ARHGAP22: variants seen among roughly 807,000 people sequenced by gnomAD.
The protein encoded by ARHGAP22 is rho GTPase-activating protein 22.
A neutral mutation model predicts 59.1 loss-of-function variants in ARHGAP22; 48 were observed. That is an observed-to-expected ratio of 0.81 (90% CI 0.64 to 1.03). The LOEUF (loss-of-function observed/expected upper bound fraction) is 1.03. Ranked by LOEUF, ARHGAP22 falls within the 50% of genes least tolerant of loss-of-function variation. The pLI, the probability that ARHGAP22 is intolerant of heterozygous loss-of-function variation, is 0.00. For synonymous variants in ARHGAP22, 445 were observed against 416.4 expected (o/e 1.07, Z -0.84); for missense variants, 1,015 against 958.7 (o/e 1.06, Z -0.78).
intron 1 of ARHGAP22, among the ~76,000 whole-genome samples, chr10:48,590,337 G>A (rs1710526604): frequency 6.6e-6 from 1 of 152,028 alleles, no homozygotes; most frequent in African/African-American, 2.4e-5. Flanking sequence ...GAGTCAAGAG[G>A]GAGCTTCCTG....
chr10:48,588,902 T>C (rs2377520), intron 1 of ARHGAP22, among the ~76,000 whole-genome samples: 111,521 of 152,086 alleles, frequency 0.73, 41,404 homozygotes, highest in East Asian at 0.99. Flanking sequence ...CTCCACCCCG[T>C]GGAGGGAGGC....
intron 3 of ARHGAP22, among the ~76,000 whole-genome samples, chr10:48,543,813 AAAG>A (rs1775822047): frequency 2.0e-5 from 3 of 152,240 alleles, no homozygotes; most frequent in East Asian, 1.9e-4. Context: ...ATGACAGATA[AAAG>A]AAGAACTGAA....
intron 1 of ARHGAP22, among the ~76,000 whole-genome samples, chr10:48,596,651 T>C (rs2135818571): frequency 6.6e-6 from 1 of 152,296 alleles, no homozygotes; most frequent in South Asian, 2.1e-4. Flanking sequence ...GACCATACCC[T>C]AAGCCCTTGC....
At chr10:48,454,919 A>G in intron 6 of ARHGAP22, 83 bp downstream of exon 6, 1 of 1,403,330 alleles carries the variant, frequency 7.1e-7, no homozygotes, top group Non-Finnish European at 9.4e-7. Context: ...AAAATTCATG[A>G]AAAGTCAGAG....
At chr10:48,432,495 T>C in the ARHGAP22 span, among the ~76,000 whole-genome samples, 2 of 152,216 alleles carry the variant, frequency 1.3e-5, no homozygotes, top group Admixed American at 1.3e-4. Flanking sequence ...GCCTTTTCTC[T>C]ACAATTTACT....
At chr10:48,619,439 A>G (rs893381946) in intron 1 of ARHGAP22, among the ~76,000 whole-genome samples, 2 of 152,188 alleles carry the variant, frequency 1.3e-5, no homozygotes, top group African/African-American at 4.8e-5. Flanking sequence ...TGAACTTAAA[A>G]ATAAACTCAA....
chr10:48,519,765 G>A (rs990986881), intron 3 of ARHGAP22, among the ~76,000 whole-genome samples: 1 of 152,218 alleles, frequency 6.6e-6, no homozygotes, highest in Non-Finnish European at 1.5e-5. Context: ...GAGAGGAAGT[G>A]GTGTGGTGCG....
rs780991347 is a variant in ARHGAP22, at chr10:48,450,566, C to T, written c.1563G>A (p.Ser521=). 28 of 1,531,186 alleles carry T rather than the reference C, an allele frequency of 1.8e-5. No homozygotes were observed. Among genetic ancestry groups the T allele is most frequent in the Non-Finnish European group, 2.5e-5 (28 of 1,140,166 alleles). 94.8% of individuals were successfully genotyped at this position (1,531,186 alleles called of 1,614,324 possible). A position where few individuals can be genotyped will look rare whatever the true frequency, so the allele number is the denominator to read the frequency against. ...AWSGASSSES[S]VGGSLSSCTA... is the part of the protein sequence containing the mutation. ...TGCAGCTGCTGAGTGAGCCCCCCAC[C>T]GACGACTCGCTGGACGAGGCCCCGG... Residue 521 remains serine, a synonymous_variant, in exon 9 of 10, where the codon TCG becomes TCA. Transcript: ENST00000249601.
chr10:48,492,821 G>A (rs2050537255), intron 3 of ARHGAP22, among the ~76,000 whole-genome samples: 1 of 152,042 alleles, frequency 6.6e-6, no homozygotes, highest in Admixed American at 6.6e-5. Context: ...CCAAAGTGCT[G>A]GGATTACAGG....
chr10:48,465,995 G>C (rs2047625256), intron 4 of ARHGAP22, among the ~76,000 whole-genome samples: 1 of 152,146 alleles, frequency 6.6e-6, no homozygotes, highest in African/African-American at 2.4e-5. Context: ...AGGGCTGTAA[G>C]CGGTAAGATC....
chr10:48,521,883 A>T (rs1401790347), intron 3 of ARHGAP22, among the ~76,000 whole-genome samples: 1 of 152,268 alleles, frequency 6.6e-6, no homozygotes, highest in Non-Finnish European at 1.5e-5. Flanking sequence ...CAACTGTGCC[A>T]GTGTGGCAAA....
chr10:48,431,590 G>A, the ARHGAP22 span, among the ~76,000 whole-genome samples: 2 of 152,116 alleles, frequency 1.3e-5, no homozygotes, highest in African/African-American at 2.4e-5. Flanking sequence ...CTATGATCTT[G>A]ACAGTCTTTA....
intron 2 of ARHGAP22, chr10:48,556,659 G>C (rs2057330497): frequency 6.6e-6 from 1 of 152,230 alleles, no homozygotes; most frequent in African/African-American, 2.4e-5. Flanking sequence ...AAAGTACTTT[G>C]TAGGGATATT....
upstream of ARHGAP22, among the ~76,000 whole-genome samples, chr10:48,653,504 G>A (rs940570678): frequency 1.3e-5 from 2 of 152,246 alleles, no homozygotes; most frequent in South Asian, 2.1e-4. Context: ...AGAAGGGAGC[G>A]CTGGAACAGC....
At chr10:48,613,474 T>C (rs1027536370) in intron 1 of ARHGAP22, among the ~76,000 whole-genome samples, 2 of 152,174 alleles carry the variant, frequency 1.3e-5, no homozygotes, top group East Asian at 1.9e-4. Flanking sequence ...TGGAACCAGA[T>C]AGAAGGAAAC....
intron 3 of ARHGAP22, among the ~76,000 whole-genome samples, chr10:48,547,832 G>C (rs1411895571): frequency 6.6e-6 from 1 of 152,220 alleles, no homozygotes; most frequent in Admixed American, 6.5e-5. Flanking sequence ...CTGGCACTTG[G>C]AAAGGGCAAG....
chr10:48,446,579 G>A lies in ARHGAP22; in HGVS notation c.1909C>T (p.Arg637Trp), dbSNP rs141682688. The A allele has an allele frequency of 6.8e-5, 110 of 1,614,116 alleles. 1 individual carries two copies. The African/African-American group carries it at 8.7e-4, about 13-fold the overall frequency. ...TCCTGGTCCAGTTCTTCTTCTAACC[G>A]GGACATTCGTTTTCTCAGGTCAGCA... ...GSADLRKRMS[R>W]LEEELDQEKK... Residue 637 changes from arginine (R) to tryptophan (W), a missense_variant, in exon 10 of 10, where the codon CGG becomes TGG. Physicochemically the swap from Arg to Trp is moderately radical, Grantham distance 101 (BLOSUM62 -3). Transcript: ENST00000249601.
intron 1 of ARHGAP22, among the ~76,000 whole-genome samples, chr10:48,615,048 G>A (rs2061027821): frequency 6.6e-6 from 1 of 152,196 alleles, no homozygotes; most frequent in Non-Finnish European, 1.5e-5. Flanking sequence ...AAGCTCTGGA[G>A]AAAAGGCTGG....
intron 2 of ARHGAP22, among the ~76,000 whole-genome samples, chr10:48,567,576 C>A (rs1017514057): frequency 6.6e-6 from 1 of 152,154 alleles, no homozygotes; most frequent in East Asian, 1.9e-4. Context: ...ACATTTGGGG[C>A]AGACCATTAG....
Sources: allele counts gnomAD v4.1 joint callset (sites outside exome capture counted in the v4.1 genomes callset), GRCh38; gene constraint gnomAD v4.1.1; transcripts MANE v1.5; gene names NCBI Gene and HGNC (gene_info 2026-07-23, HGNC 2026-07-21).